Variants in UQCC1 observed in about 807,000 individuals in gnomAD.
UQCC1 encodes bFGF-repressed Zic-binding protein.
In UQCC1, 38 loss-of-function variants were observed where a neutral mutation model predicts 48.0. The observed-to-expected ratio is 0.79, with a 90% CI of 0.61 to 1.04. The LOEUF (loss-of-function observed/expected upper bound fraction) is 1.04, where lower values mean the gene tolerates loss of function less well. Ranked by LOEUF, UQCC1 falls within the 50% of genes least tolerant of loss-of-function variation. The pLI is 0.00. For missense variants in UQCC1, 368 were observed against 381.8 expected (o/e 0.96, Z 0.30); for synonymous variants, 111 against 129.2 (o/e 0.86, Z 0.95).
chr20:35,304,727 T>C (rs1015304905), intron 9 of UQCC1: 3 of 152,302 alleles, frequency 2.0e-5, no homozygotes, highest in African/African-American at 7.2e-5. Flanking sequence ...AGCTCTGCCA[T>C]TAAAATGGTC....
At chr20:35,367,282 G>A (rs1245347764) in intron 5 of UQCC1, among the ~76,000 whole-genome samples, 1 of 151,898 alleles carries the variant, frequency 6.6e-6, no homozygotes, top group Non-Finnish European at 1.5e-5. Context: ...CAGCTTCCGT[G>A]TGCTTCTACA....
intron 7 of UQCC1, among the ~76,000 whole-genome samples, chr20:35,321,341 T>C (rs1017028173): frequency 2.0e-5 from 3 of 151,690 alleles, no homozygotes; most frequent in African/African-American, 7.3e-5. Flanking sequence ...CCAGAAAAAG[T>C]TGTTAATACC....
At chr20:35,305,418 T>C (rs1568643199) in intron 9 of UQCC1, among the ~76,000 whole-genome samples, 2 of 152,230 alleles carry the variant, frequency 1.3e-5, no homozygotes, top group Non-Finnish European at 2.9e-5. Context: ...TGTGTCTTGT[T>C]GGGGCTTCTG....
At chr20:35,334,635 T>C (rs1344994003) in intron 7 of UQCC1, among the ~76,000 whole-genome samples, 3 of 152,242 alleles carry the variant, frequency 2.0e-5, no homozygotes, top group Non-Finnish European at 4.4e-5. Flanking sequence ...TATCTTCTCC[T>C]ACTAGACTAG....
chr20:35,338,065 A>T (rs1397826381), intron 7 of UQCC1, among the ~76,000 whole-genome samples: 1 of 152,124 alleles, frequency 6.6e-6, no homozygotes, highest in Non-Finnish European at 1.5e-5. Flanking sequence ...TCTCTGAAAA[A>T]TAATTGTAAA....
intron 1 of UQCC1, among the ~76,000 whole-genome samples, chr20:35,410,756 A>T (rs890528167): frequency 3.7e-5 from 3 of 80,858 alleles, no homozygotes; most frequent in South Asian, 7.0e-4. Flanking sequence ...GGGAAGGATT[A>T]AAAAAAAAAA....
chr20:35,321,932 T>C (rs1405438395), intron 7 of UQCC1, among the ~76,000 whole-genome samples: 2 of 152,152 alleles, frequency 1.3e-5, no homozygotes, highest in Non-Finnish European at 2.9e-5. Flanking sequence ...CCTCAGAAAT[T>C]CTAGTCATTT....
At chr20:35,352,810 G>A (rs757417084) in intron 6 of UQCC1, among the ~76,000 whole-genome samples, 17 of 152,120 alleles carry the variant, frequency 1.1e-4, no homozygotes, top group Non-Finnish European at 2.1e-4. Context: ...GGCATCCTAA[G>A]TAGCTAGGAC....
chr20:35,411,370 A>ACATC (rs1402123958), intron 1 of UQCC1, among the ~76,000 whole-genome samples: 212 of 152,346 alleles, frequency 1.4e-3, no homozygotes, highest in Non-Finnish European at 2.7e-3. Context: ...CATGCTAGGC[A>ACATC]AAGTGAAAAC....
chr20:35,316,065 G>A (rs1216596507), intron 7 of UQCC1, among the ~76,000 whole-genome samples: 6 of 152,134 alleles, frequency 3.9e-5, no homozygotes, highest in Non-Finnish European at 1.5e-5. Flanking sequence ...ACAGTAACAC[G>A]CTGTAAGGCA....
chr20:35,304,221 C>T (rs1041811680), intron 9 of UQCC1, 152 bp from the exon 10 acceptor site: 3 of 968,680 alleles, frequency 3.1e-6, no homozygotes, highest in Non-Finnish European at 4.5e-6. Flanking sequence ...CAAGCCGTCC[C>T]AGGCCAAGCC....
chr20:35,330,324 C>A (rs2061242520), intron 7 of UQCC1, among the ~76,000 whole-genome samples: 1 of 152,196 alleles, frequency 6.6e-6, no homozygotes, highest in Admixed American at 6.5e-5. Flanking sequence ...TTTTTCCTGA[C>A]CAGGACTGAG....
At chr20:35,321,283 T>TGTGTGTGTGTGTGTGTGC (rs1389196330) in intron 7 of UQCC1, among the ~76,000 whole-genome samples, 6 of 141,536 alleles carry the variant, frequency 4.2e-5, no homozygotes, top group African/African-American at 1.4e-4. Context: ...TGTGTGTGTG[T>TGTGTGTGTGTGTGTGTGC]GCGCGCGCGC....
intron 6 of UQCC1, among the ~76,000 whole-genome samples, chr20:35,362,005 A>G (rs2061610941): frequency 6.6e-6 from 1 of 152,200 alleles, no homozygotes; most frequent in Non-Finnish European, 1.5e-5. Flanking sequence ...CTAGTGCTCC[A>G]TGACAATTTG....
intron 7 of UQCC1, among the ~76,000 whole-genome samples, chr20:35,331,340 C>A (rs981115617): frequency 2.0e-5 from 3 of 150,220 alleles, no homozygotes; most frequent in Non-Finnish European, 4.4e-5. Flanking sequence ...AAAAGTCCAA[C>A]ACCAAAAATA....
chr20:35,381,935 A>G lies in UQCC1; in HGVS notation c.316T>C (p.Leu106=). 6 of 1,605,274 alleles carry G rather than the reference A, an allele frequency of 3.7e-6. No homozygotes were observed. Among genetic ancestry groups the G allele is most frequent in the Non-Finnish European group, 4.3e-6 (5 of 1,173,938 alleles). ...GACTTTACCCATTTACTGTATTTCA[A>G]AGGTCCCGTGAATCCCATGGCTTCT... ...IIEAMGFTGP[L]KYSKWKIKIA... is the part of the protein sequence containing the mutation. Residue 106 remains leucine (L), a synonymous_variant, in exon 4 of 10, where the codon TTG becomes CTG. Transcript: ENST00000374385.
Position 35,402,734 on chromosome 20 carries a change from A to C in UQCC1, c.25-8538T>G, listed in dbSNP as rs1344559263. On this transcript the variant is annotated intron_variant, in intron 1 of 9. Transcript: ENST00000374385. ...CTTGAACCCGGGAGGCGGAGGTTGC[A>C]GTAGGCAGAGATCATGCTGCTGTAC... is the stretch of plus-strand genomic sequence containing the variant. Among the ~76,000 whole-genome samples the C allele has an allele frequency of 7.2e-5, 11 of 152,114 alleles. No individual in the cohort carries two copies. The East Asian group carries it at 2.1e-3, about 29-fold the overall frequency.
intron 8 of UQCC1, 58 bp from the exon 9 acceptor site, chr20:35,306,837 C>A (rs763289313): frequency 7.5e-7 from 1 of 1,336,890 alleles, no homozygotes. Flanking sequence ...AGGACACAGA[C>A]GGTGGGGATA....
chr20:35,402,602 AACAAACAAAC>A lies in UQCC1; in HGVS notation c.25-8416_25-8407del, dbSNP rs1263498080. Among the ~76,000 whole-genome samples, 1,163 of 145,362 alleles carry A rather than the reference AACAAACAAAC, an allele frequency of 8.0e-3. 11 individuals carry two copies. The highest frequency in any genetic ancestry group is 0.027 in the African/African-American group (1,048 of 38,176). On this transcript the variant is annotated intron_variant, in intron 1 of 9. Coordinates refer to ENST00000374385, the MANE Select transcript of UQCC1 (RefSeq NM_018244.5). ...CAAAAAACAAACAAACAAACAAACAAACAAACAAACAAAATATATATATATATATAATATA... is the reference window on the plus strand; with the variant it reads ...CAAAAAACAAACAAACAAACAAACAAAAAATATATATATATATATAATATA...
Sources: allele counts gnomAD v4.1 joint callset (sites outside exome capture counted in the v4.1 genomes callset), GRCh38; gene constraint gnomAD v4.1.1; transcripts MANE v1.5; gene names NCBI Gene and HGNC (gene_info 2026-07-23, HGNC 2026-07-21).